PSPH: variants seen among roughly 807,000 people sequenced by gnomAD.
The protein encoded by PSPH is L-3-phosphoserine phosphatase.
A neutral mutation model predicts 23.4 loss-of-function variants in PSPH; 16 were observed. That is an observed-to-expected ratio of 0.68 (90% confidence interval 0.46 to 1.04). The LOEUF (loss-of-function observed/expected upper bound fraction) is 1.04. Among genes scored for constraint, PSPH ranks in the 50% least tolerant of loss-of-function variants. PSPH has a pLI of 0.00. For missense variants in PSPH, 223 were observed against 273.7 expected, an observed-to-expected ratio of 0.81 and a Z score of 1.31; for synonymous variants, 68 against 99.7, an observed-to-expected ratio of 0.68 and a Z score of 1.89.
chr7:56,013,766 A>C (rs890743851), intron 7 of PSPH, among the ~76,000 whole-genome samples: 6 of 151,898 alleles, frequency 4.0e-5, no homozygotes, highest in Non-Finnish European at 7.4e-5. Flanking sequence ...TAAAAACAAA[A>C]TGCTCTGATA....
intron 3 of PSPH, among the ~76,000 whole-genome samples, chr7:56,023,289 C>T (rs1352428484): frequency 1.3e-5 from 2 of 151,790 alleles, no homozygotes; most frequent in Admixed American, 1.3e-4. Flanking sequence ...GACAAGTTCT[C>T]ACTCTGTCAC....
chr7:56,015,233 T>C (rs1283921530), intron 6 of PSPH, 62 bp from the exon 7 acceptor site: 1 of 1,574,320 alleles, frequency 6.4e-7, no homozygotes, highest in Non-Finnish European at 8.7e-7. Context: ...ATGCCAGCTT[T>C]CTGCATAGAT....
chr7:56,036,921 C>T (rs1791801318), intron 1 of PSPH, among the ~76,000 whole-genome samples: 1 of 152,022 alleles, frequency 6.6e-6, no homozygotes. Flanking sequence ...TGCCTGTAAT[C>T]CCAGCACTTA....
intron 4 of PSPH, among the ~76,000 whole-genome samples, chr7:56,020,019 C>G (rs1009278136): frequency 6.6e-6 from 1 of 152,270 alleles, no homozygotes; most frequent in Middle Eastern, 3.4e-3. Context: ...GAGTCTGAGA[C>G]CAGCCTGGTC....
chr7:56,049,781 C>T (rs1281404457), intron 1 of PSPH, among the ~76,000 whole-genome samples: 5 of 151,862 alleles, frequency 3.3e-5, no homozygotes, highest in African/African-American at 1.2e-4. Context: ...CGCTCTGTTG[C>T]CCAGGCTGGA....
chr7:56,029,834 C>T (rs549881453), intron 3 of PSPH, among the ~76,000 whole-genome samples: 5 of 151,932 alleles, frequency 3.3e-5, no homozygotes, highest in South Asian at 2.1e-4. Context: ...TTCAGGTCCC[C>T]GGGCATTGAA....
At chr7:56,037,011 T>G (rs1027646649) in intron 1 of PSPH, among the ~76,000 whole-genome samples, 1 of 151,856 alleles carries the variant, frequency 6.6e-6, no homozygotes, top group African/African-American at 2.4e-5. Flanking sequence ...CCATCTCAAC[T>G]AAAAATACAA....
At chr7:56,028,990 T>A (rs1047045930) in intron 3 of PSPH, among the ~76,000 whole-genome samples, 1 of 151,890 alleles carries the variant, frequency 6.6e-6, no homozygotes, top group East Asian at 1.9e-4. Flanking sequence ...TTCTTCTGTA[T>A]TTTTAGTAGA....
rs2116431251 is a variant in PSPH at position 56,011,951 on chromosome 7, G to C, written c.571-82C>G. On this transcript the variant is annotated intron_variant, in intron 7 of 7. Coordinates refer to ENST00000275605, the MANE Select transcript of PSPH (RefSeq NM_004577.4). ...TTTGGAGTCTCGCTCTGTCACCCAG[G>C]CTGGAGTGCAGTGACACAATCTCCA... 4 of 1,141,690 alleles carry C rather than the reference G, an allele frequency of 3.5e-6. No homozygotes were observed. The East Asian group carries it at 8.0e-5, about 23-fold the overall frequency. 70.7% of individuals were successfully genotyped at this position (1,141,690 alleles called of 1,614,324 possible). A position where few individuals can be genotyped will look rare whatever the true frequency, so the allele number is the denominator to read the frequency against.
At chr7:56,046,652 C>T (rs1278553092) in intron 1 of PSPH, among the ~76,000 whole-genome samples, 2 of 152,074 alleles carry the variant, frequency 1.3e-5, no homozygotes, top group African/African-American at 2.4e-5. Context: ...GGCATGGTGG[C>T]GGGAGCCTGT....
chr7:56,036,406 T>A (rs1791729094), intron 1 of PSPH, among the ~76,000 whole-genome samples: 1 of 152,154 alleles, frequency 6.6e-6, no homozygotes, highest in Non-Finnish European at 1.5e-5. Context: ...TTCATAAATG[T>A]TTAATATTAA....
chr7:56,037,949 G>A (rs1255847656), intron 1 of PSPH, among the ~76,000 whole-genome samples: 1 of 151,616 alleles, frequency 6.6e-6, no homozygotes, highest in Non-Finnish European at 1.5e-5. Context: ...CTGGCCTCAG[G>A]TGATCCACTC....
chr7:56,016,069 ACTT>A (rs1307710360), intron 6 of PSPH, among the ~76,000 whole-genome samples: 1 of 151,776 alleles, frequency 6.6e-6, no homozygotes. Flanking sequence ...CTCATTCTTG[ACTT>A]CTTTTTTCAA....
intron 3 of PSPH, among the ~76,000 whole-genome samples, chr7:56,026,851 C>T (rs1421183148): frequency 1.3e-5 from 2 of 151,946 alleles, no homozygotes; most frequent in Non-Finnish European, 2.9e-5. Context: ...CAGAAACAGA[C>T]AAATGGTGTA....
intron 3 of PSPH, among the ~76,000 whole-genome samples, chr7:56,024,157 C>T (rs1242105229): frequency 4.0e-5 from 6 of 151,528 alleles, no homozygotes; most frequent in Admixed American, 2.6e-4. Context: ...CCTCGTGATC[C>T]GCCCGCCTCG....
intron 1 of PSPH, among the ~76,000 whole-genome samples, chr7:56,042,884 G>T (rs936517468): frequency 1.3e-5 from 2 of 151,998 alleles, no homozygotes; most frequent in African/African-American, 2.4e-5. Context: ...AATAAAAGTG[G>T]ACACTATGAA....
intron 7 of PSPH, among the ~76,000 whole-genome samples, chr7:56,013,233 C>A (rs890608387): frequency 6.0e-5 from 9 of 150,814 alleles, no homozygotes; most frequent in Non-Finnish European, 1.3e-4. Context: ...GAAATAAAAT[C>A]CCTGGCCGGG....
At position 56,021,218 on chromosome 7, in the gene PSPH, G is replaced by A; in HGVS notation, c.-6C>T. On this transcript the variant is annotated 5_prime_UTR_variant, in exon 4 of 8. Transcript: ENST00000275605. ...AGCTCTGAGTGGGAGACCATCGCTG[G>A]AAGAATTTTCCTCCTACAAGAAAAA... 6.2e-7 allele frequency: 1 copy of A among 1,613,978 alleles called. No individual in the cohort carries two copies. Among genetic ancestry groups the A allele is most frequent in the Non-Finnish European group, 8.5e-7 (1 of 1,179,856 alleles).
intron 1 of PSPH, among the ~76,000 whole-genome samples, chr7:56,044,479 T>G (rs2117160533): frequency 6.6e-6 from 1 of 152,204 alleles, no homozygotes; most frequent in Non-Finnish European, 1.5e-5. Flanking sequence ...ATGGAATAAA[T>G]GAAGTAGGGT....
Sources: gnomAD v4.1 joint callset for allele counts (sites outside exome capture counted in the v4.1 genomes callset) on GRCh38, gnomAD v4.1.1 for gene constraint, MANE v1.5 for transcripts, NCBI Gene and HGNC (gene_info 2026-07-23, HGNC 2026-07-21) for gene names.